SYS1: variants seen among roughly 807,000 people sequenced by gnomAD.
SYS1 encodes the protein SYS1 golgi trafficking protein.
Under a neutral mutation model 17.8 loss-of-function variants are expected in SYS1, and 8 were observed. The observed-to-expected ratio is 0.45, with a 90% CI of 0.26 to 0.81. The LOEUF is 0.81. Among genes scored for constraint, SYS1 ranks in the 40% least tolerant of loss-of-function variants. The pLI is 0.16. For synonymous variants in SYS1, 95 were observed against 90.9 expected (o/e 1.05, Z -0.26); for missense variants, 161 against 203.9 (o/e 0.79, Z 1.28).
At chr20:45,371,283 A>G (rs1988555968), downstream of SYS1, among the ~76,000 whole-genome samples, 1 of 152,210 alleles carries the variant, frequency 6.6e-6, no homozygotes, top group Non-Finnish European at 1.5e-5. Context: ...CGCCTAGCCC[A>G]GCCCCTGGCA....
downstream of SYS1, chr20:45,373,962 G>T (rs1988636844): frequency 7.4e-6 from 12 of 1,613,884 alleles, no homozygotes; most frequent in African/African-American, 1.3e-5. Context: ...CTGATGGCGC[G>T]ATCTCCACCC....
Position 45,367,361 on chromosome 20 carries a change from G to T in SYS1, c.*246G>T. On this transcript the variant is annotated 3_prime_UTR_variant, in exon 4 of 4. Coordinates refer to ENST00000243918, the MANE Select transcript of SYS1 (RefSeq NM_033542.4). ...GAGGTCAGGAAGGGGACCTCTTTGA[G>T]GGTAATAACAGAATTGGAACCATGC... The T allele has an allele frequency of 7.4e-7, 1 of 1,352,286 alleles. No homozygotes were observed. The highest frequency in any genetic ancestry group is 3.0e-5 in the East Asian group (1 of 33,210). The allele number at this position is 1,352,286 out of a possible 1,614,324, so 83.8% of individuals were successfully genotyped here.
intron 2 of SYS1, chr20:45,365,393 T>C (rs768644568): frequency 6.2e-6 from 4 of 644,650 alleles, no homozygotes; most frequent in Non-Finnish European, 1.1e-5. Context: ...TACGTCCTCC[T>C]TTGTAAAATG....
Position 45,368,764 on chromosome 20 carries a change from C to T in SYS1, c.*1649C>T, listed in dbSNP as rs960984854. ...GTAAGACCAGCTGGGATGACCTTCCCTGGGTTAATCAATTTCCCTCTAGAC... is the reference window on the plus strand; with the variant it reads ...GTAAGACCAGCTGGGATGACCTTCCTTGGGTTAATCAATTTCCCTCTAGAC... On this transcript the variant is annotated 3_prime_UTR_variant, in exon 4 of 4. Coordinates refer to ENST00000243918, the MANE Select transcript of SYS1 (RefSeq NM_033542.4). The T allele has an allele frequency of 6.7e-5, 66 of 985,254 alleles. No individual in the cohort carries two copies. The highest frequency in any genetic ancestry group is 7.6e-5 in the Non-Finnish European group (63 of 829,934). 61.0% of individuals were successfully genotyped at this position (985,254 alleles called of 1,614,324 possible). A position where few individuals can be genotyped will look rare whatever the true frequency, so the allele number is the denominator to read the frequency against.
At chr20:45,361,958 C>T, upstream of SYS1, 1 of 983,596 alleles carries the variant, frequency 1.0e-6, no homozygotes, top group African/African-American at 1.7e-5. Flanking sequence ...TACTTCCCGT[C>T]TTTCCACTTC....
intron 2 of SYS1, among the ~76,000 whole-genome samples, chr20:45,364,770 C>G (rs150037015): frequency 0.011 from 1,720 of 152,118 alleles, 26 homozygotes; most frequent in African/African-American, 0.039. Flanking sequence ...CGCGCCCGGC[C>G]GAGCACAGTT....
At position 45,367,613 on chromosome 20, in the gene SYS1, A is replaced by G. The variant is rs1422292454; in HGVS notation, c.*498A>G. 5.0e-6 allele frequency: 5 copies of G among 998,032 alleles called. No individual in the cohort carries two copies. In the South Asian group the frequency reaches 1.3e-4, roughly 26 times the overall value. 61.8% of individuals were successfully genotyped at this position (998,032 alleles called of 1,614,324 possible). The stretch of plus-strand genomic sequence containing the variant: ...GGTTTCCGGATCCAGAGCCACAGAA[A>G]GAAATGTAGGTGTGAAGTATTAGGC... On this transcript the variant is annotated 3_prime_UTR_variant, in exon 4 of 4. Coordinates refer to ENST00000243918, the MANE Select transcript of SYS1 (RefSeq NM_033542.4).
Position 45,365,109 on chromosome 20 carries a change from A to G in SYS1, c.163-510A>G, listed in dbSNP as rs1239268621. ...CCAGGCTTTGTTGAAGAGCCATATG[A>G]TGCACACAACCTGAGTTCTAGCCTA... On this transcript the variant is annotated intron_variant, in intron 2 of 3. Coordinates refer to ENST00000243918, the MANE Select transcript of SYS1 (RefSeq NM_033542.4). The G allele has an allele frequency of 1.2e-5, 3 of 243,742 alleles. No homozygotes were observed. In the South Asian group the frequency reaches 1.5e-4, roughly 12 times the overall value. 15.1% of individuals were successfully genotyped at this position (243,742 alleles called of 1,614,324 possible). A position where few individuals can be genotyped will look rare whatever the true frequency, so the allele number is the denominator to read the frequency against.
In SYS1 at chr20:45,363,466, C is replaced by A; in HGVS notation, c.-3-63C>A. On this transcript the variant is annotated intron_variant, in intron 1 of 3. Coordinates refer to ENST00000243918, the MANE Select transcript of SYS1 (RefSeq NM_033542.4). ...ACCCCTTGGTTCCAGTCCCTCCTCCCGGGCGGGGCGACGTTGCCATGGAGA... is the reference window on the plus strand; with the variant it reads ...ACCCCTTGGTTCCAGTCCCTCCTCCAGGGCGGGGCGACGTTGCCATGGAGA... 3 of 1,519,008 alleles carry A rather than the reference C, an allele frequency of 2.0e-6. No homozygotes were observed. The South Asian group carries it at 3.7e-5, about 19-fold the overall frequency. 94.1% of individuals were successfully genotyped at this position (1,519,008 alleles called of 1,614,324 possible).
Position 45,367,316 on chromosome 20 carries a change from G to A in SYS1, c.*201G>A, listed in dbSNP as rs1988449618. On this transcript the variant is annotated 3_prime_UTR_variant, in exon 4 of 4. Coordinates refer to ENST00000243918, the MANE Select transcript of SYS1 (RefSeq NM_033542.4). ...ACAGCTGCAAGAATGACCTCTGTCT[G>A]TTGAAGCCTTGGTATCTGAGAGGTC... 3 of 1,409,782 alleles carry A rather than the reference G, an allele frequency of 2.1e-6. No homozygotes were observed. The highest frequency in any genetic ancestry group is 3.1e-5 in the South Asian group (2 of 64,636). 87.3% of individuals were successfully genotyped at this position (1,409,782 alleles called of 1,614,324 possible).
downstream of SYS1, chr20:45,373,241 G>GGT (rs1354662420): frequency 1.3e-5 from 2 of 153,592 alleles, no homozygotes; most frequent in African/African-American, 4.8e-5. Flanking sequence ...TCAGATTGAG[G>GGT]GTGGACCTGC....
chr20:45,375,045 TG>T (rs1455226080), exon 4 of SYS1: 8 of 1,612,854 alleles, frequency 5.0e-6, no homozygotes, highest in African/African-American at 1.3e-5. Flanking sequence ...CCACCTTGTA[TG>T]GATGCCACAT....
chr20:45,369,669 C>T (rs1422769883), downstream of SYS1, among the ~76,000 whole-genome samples: 1 of 136,306 alleles, frequency 7.3e-6, no homozygotes, highest in Non-Finnish European at 1.5e-5. Context: ...CTGGTGTGAT[C>T]TTGGCTCATC....
Position 45,365,868 on chromosome 20 carries a change from C to T in SYS1, c.230+182C>T, listed in dbSNP as rs1988395935. ...CTCCTTCCATTGCTGTTTTGACTTA[C>T]CTGGAAAGCTCTTATGTCACTATGT... On this transcript the variant is annotated intron_variant, in intron 3 of 3. Transcript: ENST00000243918. The T allele has an allele frequency of 6.1e-6, 4 of 651,592 alleles. 1 individual carries two copies. The South Asian group carries it at 7.0e-5, about 11-fold the overall frequency. The allele number at this position is 651,592 out of a possible 1,614,324, so 40.4% of individuals were successfully genotyped here.
At chr20:45,364,465 CTTTTT>C (rs386393831) in intron 2 of SYS1, among the ~76,000 whole-genome samples, 20 of 80,132 alleles carry the variant, frequency 2.5e-4, no homozygotes, top group Admixed American at 3.9e-4. Context: ...GAGCACAGTT[CTTTTT>C]TTTTTTTTTT....
exon 4 of SYS1, chr20:45,375,085 C>A (rs140811424): frequency 6.2e-7 from 1 of 1,614,090 alleles, no homozygotes; most frequent in Non-Finnish European, 8.5e-7. Context: ...GGAGCAGAAG[C>A]GGGTGCAGCG....
intron 3 of SYS1, 133 bp downstream of exon 3, chr20:45,365,819 T>G (rs2145353154): frequency 1.2e-6 from 1 of 860,488 alleles, no homozygotes; most frequent in Middle Eastern, 3.2e-4. Context: ...AGAGGCCAGT[T>G]CTGGGACCAG....
chr20:45,373,955 A>T (rs1364895792), downstream of SYS1: 2 of 1,613,380 alleles, frequency 1.2e-6, no homozygotes, highest in African/African-American at 1.3e-5. Flanking sequence ...CCTTCAGCTG[A>T]TGGCGCGATC....
exon 4 of SYS1, chr20:45,375,807 T>C: frequency 2.1e-6 from 1 of 485,364 alleles, no homozygotes; most frequent in Non-Finnish European, 3.7e-6. Flanking sequence ...GTCTACATCA[T>C]CTGCCACTAG....
Sources: gnomAD v4.1 joint callset for allele counts (sites outside exome capture counted in the v4.1 genomes callset) on GRCh38, gnomAD v4.1.1 for gene constraint, MANE v1.5 for transcripts, NCBI Gene and HGNC (gene_info 2026-07-23, HGNC 2026-07-21) for gene names.